The following CAMTA1 variants were observed in gnomAD, a reference collection of about 807,000 sequenced individuals.
The protein encoded by CAMTA1 is calmodulin-binding transcription activator 1.
Under a neutral mutation model 170.9 loss-of-function variants are expected in CAMTA1, and 27 were observed. The ratio of observed to expected loss-of-function variants is 0.16; its 90% CI spans 0.12 to 0.22. The LOEUF is 0.22. Among genes scored for constraint, CAMTA1 ranks in the 10% least tolerant of loss-of-function variants. The pLI is 1.00. For synonymous variants in CAMTA1, 833 were observed against 891.5 expected, an observed-to-expected ratio of 0.93 and a Z score of 1.17; for missense variants, 1,619 against 2,217.2, an observed-to-expected ratio of 0.73 and a Z score of 5.42.
At chr1:7,752,628 C>T (rs2096905303) in intron 21 of CAMTA1, 95 bp downstream of exon 21, 1 of 945,756 alleles carries the variant, frequency 1.1e-6, no homozygotes, top group Admixed American at 3.0e-5. Context: ...AAAGCTAATC[C>T]CCCTGCAGAT....
In CAMTA1 at chr1:7,155,384, C is replaced by T. The variant is rs562185474; in HGVS notation, c.302+64013C>T. Among the ~76,000 whole-genome samples, 692 of 84,740 alleles carry T rather than the reference C, an allele frequency of 8.2e-3. 2 individuals carry two copies. The highest frequency in any genetic ancestry group is 0.014 in the Admixed American group (115 of 8,026). 55.6% of individuals were successfully genotyped at this position (84,740 alleles called of 152,430 possible). ...GAGATCCCAGCCTCTGTGAGGGCACCGTTGGGGGGGGGATTGGGCAGGGAA... is the reference window on the plus strand; with the variant it reads ...GAGATCCCAGCCTCTGTGAGGGCACTGTTGGGGGGGGGATTGGGCAGGGAA... On this transcript the variant is annotated intron_variant, in intron 4 of 22. Coordinates refer to ENST00000303635, the MANE Select transcript of CAMTA1 (RefSeq NM_015215.4).
chr1:7,337,065 G>C (rs1271834742), intron 5 of CAMTA1, among the ~76,000 whole-genome samples: 1 of 152,218 alleles, frequency 6.6e-6, no homozygotes, highest in African/African-American at 2.4e-5. Context: ...ACTTGAATAC[G>C]ATCCCTAGTG....
At chr1:7,244,795 C>G (rs1055049552) in intron 4 of CAMTA1, among the ~76,000 whole-genome samples, 1 of 151,826 alleles carries the variant, frequency 6.6e-6, no homozygotes, top group Non-Finnish European at 1.5e-5. Context: ...TAATGCTAAA[C>G]GACGAGTTAA....
chr1:7,492,871 G>A (rs1421257825), intron 6 of CAMTA1, among the ~76,000 whole-genome samples: 5 of 138,570 alleles, frequency 3.6e-5, no homozygotes, highest in Non-Finnish European at 4.6e-5. Context: ...ACAAACACAC[G>A]CGCACATGCA....
At chr1:7,606,105 G>T (rs2095484412) in intron 6 of CAMTA1, among the ~76,000 whole-genome samples, 1 of 152,354 alleles carries the variant, frequency 6.6e-6, no homozygotes, top group African/African-American at 2.4e-5. Flanking sequence ...TGGCAAGTCT[G>T]GGAGGAGACT....
chr1:7,448,485 G>A (rs949611053), intron 5 of CAMTA1, among the ~76,000 whole-genome samples: 1 of 152,186 alleles, frequency 6.6e-6, no homozygotes, highest in African/African-American at 2.4e-5. Context: ...CTGGGCAGGC[G>A]CCAGCCCTCC....
At chr1:6,796,708 G>A (rs1450718609) in intron 1 of CAMTA1, among the ~76,000 whole-genome samples, 1 of 152,094 alleles carries the variant, frequency 6.6e-6, no homozygotes, top group Non-Finnish European at 1.5e-5. Flanking sequence ...TTGTGCACTC[G>A]TGTAGCTGTT....
At chr1:6,913,580 C>T (rs186644171) in intron 3 of CAMTA1, among the ~76,000 whole-genome samples, 7 of 152,302 alleles carry the variant, frequency 4.6e-5, no homozygotes, top group Admixed American at 4.6e-4. Flanking sequence ...GAAGTTTCTT[C>T]CTGCCCTGGG....
At chr1:7,431,659 C>T (rs1021627703) in intron 5 of CAMTA1, among the ~76,000 whole-genome samples, 2 of 152,168 alleles carry the variant, frequency 1.3e-5, no homozygotes, top group African/African-American at 2.4e-5. Context: ...CCTGCCGTGG[C>T]GCCGCTCAAG....
chr1:7,722,448 A>G (rs150510244), intron 11 of CAMTA1, among the ~76,000 whole-genome samples: 41 of 145,486 alleles, frequency 2.8e-4, no homozygotes, highest in East Asian at 1.8e-3. Flanking sequence ...TGAAGCCCCA[A>G]CTAACCATTC....
At chr1:7,266,472 A>G (rs1436631022) in intron 5 of CAMTA1, among the ~76,000 whole-genome samples, 2 of 152,250 alleles carry the variant, frequency 1.3e-5, no homozygotes, top group Non-Finnish European at 2.9e-5. Context: ...GCATCCATTT[A>G]TTGAAGAAAC....
intron 3 of CAMTA1, among the ~76,000 whole-genome samples, chr1:6,960,961 G>A (rs926713443): frequency 1.3e-5 from 2 of 152,244 alleles, no homozygotes; most frequent in African/African-American, 4.8e-5. Flanking sequence ...GCTCAGAGAG[G>A]TTGTGTAACT....
intron 1 of CAMTA1, among the ~76,000 whole-genome samples, chr1:6,799,340 C>T (rs1296760914): frequency 6.6e-6 from 1 of 152,198 alleles, no homozygotes; most frequent in African/African-American, 2.4e-5. Context: ...AAGTGCCAGG[C>T]TTACAGGCAT....
chr1:7,149,262 TG>T (rs1303923565), intron 4 of CAMTA1, among the ~76,000 whole-genome samples: 1 of 152,226 alleles, frequency 6.6e-6, no homozygotes, highest in Non-Finnish European at 1.5e-5. Flanking sequence ...ACAGGGTTTT[TG>T]CTTCTGAGCA....
intron 6 of CAMTA1, among the ~76,000 whole-genome samples, chr1:7,563,321 A>T (rs574335333): frequency 6.6e-6 from 1 of 152,258 alleles, no homozygotes; most frequent in East Asian, 1.9e-4. Context: ...AGAGGCAGGG[A>T]TGGGGGTGGG....
intron 3 of CAMTA1, among the ~76,000 whole-genome samples, chr1:6,995,920 G>A (rs2100530924): frequency 6.6e-6 from 1 of 152,236 alleles, no homozygotes; most frequent in East Asian, 1.9e-4. Flanking sequence ...CGAAGGGGCT[G>A]TCTCTTGCTG....
intron 3 of CAMTA1, among the ~76,000 whole-genome samples, chr1:6,888,825 CTT>C (rs574850841): frequency 2.8e-5 from 4 of 143,252 alleles, no homozygotes; most frequent in Non-Finnish European, 1.5e-5. Context: ...TTTTTTCTTT[CTT>C]TTTTTTTTTT....
In CAMTA1 at chr1:7,642,108, A is replaced by C. The variant is rs2095766501; in HGVS notation, c.664+1555A>C. Reference sequence around the variant, plus strand: ...TCTCAGCCTCTCCACAGGCCCTCCCACCACCCAGCTGGGCCTTCACACCCC... The same window carrying C: ...TCTCAGCCTCTCCACAGGCCCTCCCCCCACCCAGCTGGGCCTTCACACCCC... On this transcript the variant is annotated intron_variant, in intron 7 of 22. Transcript: ENST00000303635. This position sits in a 1 kb window ranked among gnomAD's most constrained non-coding sequence, Gnocchi z 6.3. 6.7e-6 allele frequency among the ~76,000 whole-genome samples: 1 copy of C among 150,336 alleles called. No homozygotes were observed. Among genetic ancestry groups the C allele is most frequent in the African/African-American group, 2.5e-5 (1 of 40,722 alleles).
intron 5 of CAMTA1, among the ~76,000 whole-genome samples, chr1:7,334,307 G>A (rs2083215413): frequency 1.3e-5 from 2 of 152,192 alleles, no homozygotes; most frequent in Non-Finnish European, 2.9e-5. Flanking sequence ...CTTGGAAGGA[G>A]GGTCCTAAGG....
Sources: allele counts gnomAD v4.1 joint callset (sites outside exome capture counted in the v4.1 genomes callset), GRCh38; gene constraint gnomAD v4.1.1; non-coding constraint Gnocchi (gnomAD v3.1); transcripts MANE v1.5; gene names NCBI Gene and HGNC (gene_info 2026-07-23, HGNC 2026-07-21).